The following NEDD9 variants were observed in gnomAD, a reference collection of about 807,000 sequenced individuals.
The protein encoded by NEDD9 is neural precursor cell expressed, developmentally down-regulated 9, also known as enhancer of filamentation 1.
In NEDD9, 26 loss-of-function variants were observed where a neutral mutation model predicts 76.6. The observed-to-expected ratio is 0.34, with a 90% CI of 0.25 to 0.47. NEDD9 has a LOEUF of 0.47. Among genes scored for constraint, NEDD9 ranks in the 20% least tolerant of loss-of-function variants. The pLI is 1.00. For synonymous variants in NEDD9, 392 were observed against 414.2 expected, an observed-to-expected ratio of 0.95 and a Z score of 0.65; for missense variants, 937 against 1,058.5, an observed-to-expected ratio of 0.89 and a Z score of 1.59.
At chr6:11,232,173 G>C (rs1366496989) in intron 1 of NEDD9, among the ~76,000 whole-genome samples, 2 of 152,172 alleles carry the variant, frequency 1.3e-5, no homozygotes, top group East Asian at 3.8e-4. Context: ...AAGGAGACTT[G>C]AGCCAATGCC....
chr6:11,354,943 C>A (rs111383430), intron 1 of NEDD9, among the ~76,000 whole-genome samples: 201 of 152,284 alleles, frequency 1.3e-3, no homozygotes, highest in Admixed American at 2.5e-3. Context: ...AAAGAGGGAC[C>A]ATGTCCTGAT....
chr6:11,349,818 G>C (rs545061970), intron 1 of NEDD9, among the ~76,000 whole-genome samples: 1 of 152,098 alleles, frequency 6.6e-6, no homozygotes, highest in South Asian at 2.1e-4. Context: ...CAACTAATGG[G>C]TACTAGGTTT....
intron 3 of NEDD9, among the ~76,000 whole-genome samples, chr6:11,282,157 A>G (rs1760550222): frequency 6.6e-6 from 1 of 152,238 alleles, no homozygotes; most frequent in Non-Finnish European, 1.5e-5. Context: ...ACTTTAATAC[A>G]TGGTTTCAGG....
At chr6:11,287,007 A>G (rs537795438) in intron 3 of NEDD9, among the ~76,000 whole-genome samples, 1 of 152,222 alleles carries the variant, frequency 6.6e-6, no homozygotes, top group Non-Finnish European at 1.5e-5. Context: ...GGAACTTTTC[A>G]TGGTTATCTG....
chr6:11,295,957 G>T (rs1379809727), intron 3 of NEDD9, among the ~76,000 whole-genome samples: 9 of 152,132 alleles, frequency 5.9e-5, no homozygotes, highest in Non-Finnish European at 1.2e-4. Context: ...TTAACACCAA[G>T]GAACTCCAAA....
At position 11,196,702 on chromosome 6, in the gene NEDD9, C is replaced by T. The variant is rs11753693; in HGVS notation, c.460-3010G>A. Among the ~76,000 whole-genome samples, 522 of 152,156 alleles carry T rather than the reference C, an allele frequency of 3.4e-3. 2 individuals are homozygous for T. The highest frequency in any genetic ancestry group is 5.1e-3 in the Non-Finnish European group (348 of 68,006). ...CCAACCGAATACAGCACCCCCCGCC[C>T]GCCACCACCGATTCCAGCCTTCCTG... On this transcript the variant is annotated intron_variant, in intron 2 of 6. Transcript: ENST00000379446.
chr6:11,273,293 G>A (rs1760350907), intron 3 of NEDD9, among the ~76,000 whole-genome samples: 2 of 152,218 alleles, frequency 1.3e-5, no homozygotes, highest in African/African-American at 4.8e-5. Flanking sequence ...ATATATTCTT[G>A]AAAATGTGTA....
chr6:11,241,884 G>A lies in NEDD9; in HGVS notation c.13-28157C>T, dbSNP rs1222505841. Among the ~76,000 whole-genome samples the A allele has an allele frequency of 6.6e-6, 1 of 152,204 alleles. No homozygotes were observed. Among genetic ancestry groups the A allele is most frequent in the Admixed American group, 6.5e-5 (1 of 15,290 alleles). ...CAAGCAGCCGCCAGCTGGCGCTCGT[G>A]AGCGCATGAAAGGAATCCGGATAAT... On this transcript the variant is annotated intron_variant, in intron 3 of 3. Coordinates refer to the NEDD9 transcript ENST00000397378. This position sits in a 1 kb window ranked among gnomAD's most constrained non-coding sequence, Gnocchi z 4.0.
At chr6:11,351,651 T>C (rs1762471921) in intron 1 of NEDD9, among the ~76,000 whole-genome samples, 1 of 152,214 alleles carries the variant, frequency 6.6e-6, no homozygotes, top group African/African-American at 2.4e-5. Context: ...ACAGATGTGG[T>C]GACATTCCCT....
chr6:11,314,973 G>A (rs962662543), intron 2 of NEDD9, among the ~76,000 whole-genome samples: 1 of 152,206 alleles, frequency 6.6e-6, no homozygotes, highest in African/African-American at 2.4e-5. Context: ...TAAATTGAGT[G>A]AAGCTCTCTG....
At chr6:11,187,519 GA>G (rs1758009165) in intron 6 of NEDD9, among the ~76,000 whole-genome samples, 1 of 152,158 alleles carries the variant, frequency 6.6e-6, no homozygotes, top group South Asian at 2.1e-4. Context: ...GCTGGCGAAA[GA>G]GAGACAAATA....
chr6:11,219,252 A>G (rs2113768560), intron 1 of NEDD9, among the ~76,000 whole-genome samples: 1 of 152,236 alleles, frequency 6.6e-6, no homozygotes, highest in Middle Eastern at 3.4e-3. Flanking sequence ...TATTACTCCT[A>G]TGTCAGAGAA....
intron 3 of NEDD9, among the ~76,000 whole-genome samples, chr6:11,259,253 C>T (rs1431181377): frequency 6.6e-6 from 1 of 152,200 alleles, no homozygotes; most frequent in Non-Finnish European, 1.5e-5. Flanking sequence ...AGCCTGCTTA[C>T]TCAGAAATAT....
intron 3 of NEDD9, among the ~76,000 whole-genome samples, chr6:11,276,409 AC>A (rs1349222331): frequency 6.6e-6 from 1 of 152,132 alleles, no homozygotes; most frequent in African/African-American, 2.4e-5. Flanking sequence ...GTGTGTGTGC[AC>A]GTGTGTGTGC....
intron 1 of NEDD9, among the ~76,000 whole-genome samples, chr6:11,375,463 G>A (rs562415745): frequency 2.1e-4 from 32 of 152,276 alleles, no homozygotes; most frequent in African/African-American, 7.7e-4. Context: ...TTCCTTTTGT[G>A]GTAGGTGATA....
At chr6:11,348,513 A>C (rs77352022) in intron 1 of NEDD9, among the ~76,000 whole-genome samples, 12 of 152,206 alleles carry the variant, frequency 7.9e-5, no homozygotes, top group Non-Finnish European at 1.5e-4. Context: ...GAGGTAACAC[A>C]CTACCCAACT....
At chr6:11,315,672 G>A (rs1030455915) in intron 2 of NEDD9, among the ~76,000 whole-genome samples, 1 of 152,144 alleles carries the variant, frequency 6.6e-6, no homozygotes, top group African/African-American at 2.4e-5. Context: ...ATCACTGGAG[G>A]GGATTGGCTT....
intron 1 of NEDD9, among the ~76,000 whole-genome samples, chr6:11,215,954 G>T (rs1050691383): frequency 2.6e-5 from 4 of 152,222 alleles, no homozygotes; most frequent in African/African-American, 9.6e-5. Context: ...GAGCATGCTT[G>T]ATCAGAGGCA....
At chr6:11,378,619 C>A (rs185200006) in intron 1 of NEDD9, among the ~76,000 whole-genome samples, 1 of 152,154 alleles carries the variant, frequency 6.6e-6, no homozygotes, top group African/African-American at 2.4e-5. Flanking sequence ...TATATGGATA[C>A]CTTATATATA....
Sources: allele counts gnomAD v4.1 joint callset (sites outside exome capture counted in the v4.1 genomes callset), GRCh38; gene constraint gnomAD v4.1.1; non-coding constraint Gnocchi (gnomAD v3.1); transcripts MANE v1.5; gene names NCBI Gene and HGNC (gene_info 2026-07-23, HGNC 2026-07-21).